Variants in PIEZO2 observed in about 807,000 individuals in gnomAD.
The protein encoded by PIEZO2 is piezo type mechanosensitive ion channel component 2.
A neutral mutation model predicts 337.3 loss-of-function variants in PIEZO2; 172 were observed. That is an observed-to-expected ratio of 0.51 (90% confidence interval 0.45 to 0.58). PIEZO2 has a LOEUF of 0.58. Among genes scored for constraint, PIEZO2 ranks in the 20% least tolerant of loss-of-function variants. The pLI, the probability that PIEZO2 is intolerant of heterozygous loss-of-function variation, is 0.00. For missense variants in PIEZO2, 3,028 were observed against 3,391.3 expected, an observed-to-expected ratio of 0.89 and a Z score of 2.66; for synonymous variants, 1,251 against 1,228.5, an observed-to-expected ratio of 1.02 and a Z score of -0.38.
Position 10,750,015 on chromosome 18 carries a change from C to T in PIEZO2, c.4264+76G>A. On this transcript the variant is annotated intron_variant, in intron 29 of 55. Coordinates refer to ENST00000674853, the MANE Select transcript of PIEZO2 (RefSeq NM_001378183.1). This position sits in a 1 kb window ranked among gnomAD's most constrained non-coding sequence, Gnocchi z 4.1. Reference sequence around the variant, plus strand: ...TTTTATATCTTTATGTGCTTTGGCCCACTTTTAAAACTAGAACAATACAAC... The same window carrying T: ...TTTTATATCTTTATGTGCTTTGGCCTACTTTTAAAACTAGAACAATACAAC... 8.8e-7 allele frequency: 1 copy of T among 1,142,556 alleles called. No individual in the cohort carries two copies. Among genetic ancestry groups the T allele is most frequent in the Non-Finnish European group, 1.3e-6 (1 of 789,864 alleles). 70.8% of individuals were successfully genotyped at this position (1,142,556 alleles called of 1,614,324 possible). A position where few individuals can be genotyped will look rare whatever the true frequency, so the allele number is the denominator to read the frequency against.
chr18:10,881,593 G>A (rs1009805479), intron 4 of PIEZO2, among the ~76,000 whole-genome samples: 2 of 152,166 alleles, frequency 1.3e-5, no homozygotes, highest in Non-Finnish European at 1.5e-5. Context: ...CTAGCTTAGA[G>A]TCTACCACAG....
rs2032646558 is a variant in PIEZO2, at chr18:10,940,100, T to A, written c.287-28872A>T. On this transcript the variant is annotated intron_variant, in intron 3 of 55. Transcript: ENST00000674853. The surrounding 1 kb of genome is among the most constrained non-coding windows in gnomAD (Gnocchi z 5.3). ...ATCAGAAACAAACTCCAGGGAGTGG[T>A]TCGCCAGCCTTTCCTACAAAAAAAC... Among the ~76,000 whole-genome samples, 1 of 152,304 alleles carries A rather than the reference T, an allele frequency of 6.6e-6. No individual in the cohort carries two copies. The highest frequency in any genetic ancestry group is 6.5e-5 in the Admixed American group (1 of 15,296).
In PIEZO2 at chr18:11,016,158, G is replaced by A. The variant is rs1302617576; in HGVS notation, c.161-36498C>T. Among the ~76,000 whole-genome samples, 1 of 152,152 alleles carries A rather than the reference G, an allele frequency of 6.6e-6. No individual in the cohort carries two copies. Among genetic ancestry groups the A allele is most frequent in the Non-Finnish European group, 1.5e-5 (1 of 68,046 alleles). ...AATACCTCAATTTAGCAAATGTAATGAGTACTGTGGGTAAGAGGGAAGGAA... is the reference window on the plus strand; with the variant it reads ...AATACCTCAATTTAGCAAATGTAATAAGTACTGTGGGTAAGAGGGAAGGAA... On this transcript the variant is annotated intron_variant, in intron 2 of 55. Coordinates refer to ENST00000674853, the MANE Select transcript of PIEZO2 (RefSeq NM_001378183.1). This position sits in a 1 kb window ranked among gnomAD's most constrained non-coding sequence, Gnocchi z 5.6.
At chr18:11,122,289 A>G (rs923632510) in intron 1 of PIEZO2, among the ~76,000 whole-genome samples, 1 of 152,196 alleles carries the variant, frequency 6.6e-6, no homozygotes, top group Non-Finnish European at 1.5e-5. Flanking sequence ...AGAACTTTTT[A>G]ACTTTCCCAG....
In PIEZO2 at chr18:10,750,819, G is replaced by A. The variant is rs1238991714; in HGVS notation, c.4168-632C>T. 2.0e-5 allele frequency among the ~76,000 whole-genome samples: 3 copies of A among 152,186 alleles called. No individual in the cohort carries two copies. Among genetic ancestry groups the A allele is most frequent in the African/African-American group, 7.2e-5 (3 of 41,454 alleles). ...CATAAATGTGACAGATACATTGTGT[G>A]CATTTCCTGGGAACATGTGAGGAAG... On this transcript the variant is annotated intron_variant, in intron 28 of 55. Transcript: ENST00000674853. The surrounding 1 kb of genome is among the most constrained non-coding windows in gnomAD (Gnocchi z 4.1).
intron 1 of PIEZO2, among the ~76,000 whole-genome samples, chr18:11,074,548 C>CT (rs539705466): frequency 1.3e-3 from 205 of 152,280 alleles, no homozygotes; most frequent in Non-Finnish European, 1.7e-3. Context: ...AAGTGAAGTG[C>CT]TTTATAAACA....
chr18:10,677,584 T>A lies in PIEZO2; in HGVS notation c.8081+163A>T. 1.3e-6 allele frequency: 1 copy of A among 780,168 alleles called. No individual in the cohort carries two copies. The allele number at this position is 780,168 out of a possible 1,614,324, so 48.3% of individuals were successfully genotyped here. On this transcript the variant is annotated intron_variant, in intron 53 of 55. Coordinates refer to ENST00000674853, the MANE Select transcript of PIEZO2 (RefSeq NM_001378183.1). This position sits in a 1 kb window ranked among gnomAD's most constrained non-coding sequence, Gnocchi z 4.1. ...GGACAGAAAACTCCATAGCTGAGAT[T>A]AAGTTTCTTTAATCTTGCAAAATGG...
At position 11,028,916 on chromosome 18, in the gene PIEZO2, A is replaced by G. The variant is rs2036633293; in HGVS notation, c.160+37211T>C. 1.3e-5 allele frequency among the ~76,000 whole-genome samples: 2 copies of G among 152,198 alleles called. No homozygotes were observed. Among genetic ancestry groups the G allele is most frequent in the African/African-American group, 4.8e-5 (2 of 41,448 alleles). ...TGGTGTCATAGGAAACAGAGTTGAA[A>G]AAAAATTTAGATAAGATGGCATGGA... On this transcript the variant is annotated intron_variant, in intron 2 of 55. Transcript: ENST00000674853. This position sits in a 1 kb window ranked among gnomAD's most constrained non-coding sequence, Gnocchi z 4.8.
chr18:10,884,847 T>G (rs264212), intron 4 of PIEZO2, among the ~76,000 whole-genome samples: 116,187 of 152,094 alleles, frequency 0.76, 45,714 homozygotes, highest in East Asian at 0.94. Context: ...AAAGCAAGAA[T>G]CTTTGTATGT....
At position 10,742,529 on chromosome 18, in the gene PIEZO2, T is replaced by G; in HGVS notation, c.4601A>C (p.Gln1534Pro). The G allele has an allele frequency of 1.3e-6, 2 of 1,537,234 alleles. No individual in the cohort carries two copies. Among genetic ancestry groups the G allele is most frequent in the Non-Finnish European group, 1.7e-6 (2 of 1,146,906 alleles). ...LSLTQEPGEG[Q>P]DMQKLSEEDD... is the part of the protein sequence containing the mutation. ...CTCTTCAGAGAGTTTTTGCATGTCCTGGCCTTCCCCTGGCTCCTGGGTCAA... is the reference window on the plus strand; with the variant it reads ...CTCTTCAGAGAGTTTTTGCATGTCCGGGCCTTCCCCTGGCTCCTGGGTCAA... The change falls in exon 32 of 56, where the codon CAG (glutamine) becomes CCG (proline). Residue 1534 changes from glutamine to proline, a missense_variant. By Grantham distance (76) the Gln-to-Pro change is moderately conservative. This residue lies in a region of PIEZO2 where 1,925 missense variants were observed against 2,051.9 expected (regional missense o/e 0.94). Coordinates refer to ENST00000674853, the MANE Select transcript of PIEZO2 (RefSeq NM_001378183.1).
rs1391896093 is a variant in PIEZO2 at position 10,677,583 on chromosome 18, T to G, written c.8081+164A>C. 1 of 771,066 alleles carries G rather than the reference T, an allele frequency of 1.3e-6. No individual in the cohort carries two copies. Among genetic ancestry groups the G allele is most frequent in the Non-Finnish European group, 2.0e-6 (1 of 497,538 alleles). The allele number at this position is 771,066 out of a possible 1,614,324, so 47.8% of individuals were successfully genotyped here. ...TGGACAGAAAACTCCATAGCTGAGATTAAGTTTCTTTAATCTTGCAAAATG... is the reference window on the plus strand; with the variant it reads ...TGGACAGAAAACTCCATAGCTGAGAGTAAGTTTCTTTAATCTTGCAAAATG... On this transcript the variant is annotated intron_variant, in intron 53 of 55. Coordinates refer to ENST00000674853, the MANE Select transcript of PIEZO2 (RefSeq NM_001378183.1). The surrounding 1 kb of genome is among the most constrained non-coding windows in gnomAD (Gnocchi z 4.1).
intron 2 of PIEZO2, among the ~76,000 whole-genome samples, chr18:10,991,499 C>A (rs188921174): frequency 6.6e-6 from 1 of 150,944 alleles, no homozygotes; most frequent in Non-Finnish European, 1.5e-5. Context: ...TCTGTTCCTG[C>A]GTTGGTTTGC....
At chr18:10,798,856 C>T (rs1231071689) in intron 11 of PIEZO2, among the ~76,000 whole-genome samples, 1 of 152,024 alleles carries the variant, frequency 6.6e-6, no homozygotes, top group Non-Finnish European at 1.5e-5. Flanking sequence ...TTTCCTTGAA[C>T]TTTCCAGTTT....
At chr18:10,769,499 T>G (rs996196818) in intron 21 of PIEZO2, among the ~76,000 whole-genome samples, 4 of 152,238 alleles carry the variant, frequency 2.6e-5, no homozygotes, top group African/African-American at 7.2e-5. Flanking sequence ...AGTACTCCCT[T>G]GATTAATTTT....
chr18:10,879,372 CAA>C (rs1368663384), intron 4 of PIEZO2, among the ~76,000 whole-genome samples: 2 of 146,218 alleles, frequency 1.4e-5, no homozygotes, highest in Non-Finnish European at 3.0e-5. Flanking sequence ...CTCGAACAGG[CAA>C]AAGAGTCCTT....
chr18:11,045,078 G>A (rs1331061396), intron 2 of PIEZO2, among the ~76,000 whole-genome samples: 2 of 151,940 alleles, frequency 1.3e-5, no homozygotes, highest in East Asian at 1.9e-4. Context: ...GGCGGATCAC[G>A]AGGTCAGGAG....
rs137855553 is a variant in PIEZO2 at position 10,677,646 on chromosome 18, A to G, written c.8081+101T>C. The G allele has an allele frequency of 7.1e-5, 97 of 1,365,798 alleles. No individual in the cohort carries two copies. The African/African-American group carries it at 1.4e-3, about 20-fold the overall frequency. The allele number at this position is 1,365,798 out of a possible 1,614,324, so 84.6% of individuals were successfully genotyped here. The stretch of plus-strand genomic sequence containing the variant: ...AGAAATTAACTTTGTGTTACCAAAG[A>G]ATGAAGTTGCATTCCTCATACACAT... On this transcript the variant is annotated intron_variant, in intron 53 of 55. Coordinates refer to ENST00000674853, the MANE Select transcript of PIEZO2 (RefSeq NM_001378183.1). The surrounding 1 kb of genome is among the most constrained non-coding windows in gnomAD (Gnocchi z 4.1).
chr18:11,054,134 CAA>C (rs1167453416), intron 2 of PIEZO2, among the ~76,000 whole-genome samples: 1 of 152,220 alleles, frequency 6.6e-6, no homozygotes, highest in Non-Finnish European at 1.5e-5. Context: ...AGGACAATCT[CAA>C]TCCTAATGGA....
chr18:10,770,943 C>G lies in PIEZO2; in HGVS notation c.2786-635G>C, dbSNP rs151318970. Among the ~76,000 whole-genome samples, 8 of 152,228 alleles carry G rather than the reference C, an allele frequency of 5.3e-5. No homozygotes were observed. The East Asian group carries it at 1.5e-3, about 29-fold the overall frequency. Reference sequence around the variant, plus strand: ...ATAGGATCTCGTCATGTTGGCCAGGCTGGTCTTGAACTCTTGGCCTCAAAT... The same window carrying G: ...ATAGGATCTCGTCATGTTGGCCAGGGTGGTCTTGAACTCTTGGCCTCAAAT... On this transcript the variant is annotated intron_variant, in intron 20 of 55. Coordinates refer to ENST00000674853, the MANE Select transcript of PIEZO2 (RefSeq NM_001378183.1).
Sources: allele counts gnomAD v4.1 joint callset (sites outside exome capture counted in the v4.1 genomes callset), GRCh38; gene constraint gnomAD v4.1.1; regional missense constraint gnomAD v4.1.1; non-coding constraint Gnocchi (gnomAD v3.1); transcripts MANE v1.5; gene names NCBI Gene and HGNC (gene_info 2026-07-23, HGNC 2026-07-21).